ACSS2: variants seen among roughly 807,000 people sequenced by gnomAD.
ACSS2 encodes the protein acetyl-coenzyme A synthetase, cytoplasmic.
In ACSS2, 58 loss-of-function variants were observed where a neutral mutation model predicts 90.6. The observed-to-expected ratio is 0.64, with a 90% CI of 0.52 to 0.80. ACSS2 has a LOEUF of 0.80. ACSS2 is among the 30% of genes least tolerant of loss of function. The pLI, the probability that ACSS2 is intolerant of heterozygous loss-of-function variation, is 0.00. For synonymous variants in ACSS2, 300 were observed against 330.9 expected (o/e 0.91, Z 1.01); for missense variants, 759 against 912.0 (o/e 0.83, Z 2.16).
At chr20:34,911,775 TG>T (rs2080965531) in intron 2 of ACSS2, among the ~76,000 whole-genome samples, 3 of 152,234 alleles carry the variant, frequency 2.0e-5, no homozygotes, top group Non-Finnish European at 4.4e-5. Context: ...ATAAGCTCCA[TG>T]ATATCAGGTA....
intron 16 of ACSS2, 77 bp from the exon 17 acceptor site, chr20:34,926,800 A>C (rs1470538467): frequency 6.1e-6 from 9 of 1,486,658 alleles, no homozygotes; most frequent in Non-Finnish European, 8.4e-6. Flanking sequence ...GGTGGGGAAC[A>C]AAGCCATCTC....
intron 1 of ACSS2, 102 bp from the exon 2 acceptor site, chr20:34,882,692 C>A: frequency 9.1e-7 from 1 of 1,097,324 alleles, no homozygotes; most frequent in Non-Finnish European, 1.3e-6. Flanking sequence ...GGTCCTAGGG[C>A]AAGGAAGTTA....
chr20:34,876,382 C>T (rs377162314), upstream of ACSS2: 24 of 349,272 alleles, frequency 6.9e-5, no homozygotes, highest in Admixed American at 4.8e-4. Flanking sequence ...TTTCACTCGA[C>T]GGCGTCACTC....
intron 7 of ACSS2, among the ~76,000 whole-genome samples, chr20:34,916,121 T>G (rs1192575681): frequency 6.6e-6 from 1 of 152,214 alleles, no homozygotes; most frequent in East Asian, 1.9e-4. Context: ...CTTTTCTCTA[T>G]TCTCATTAGC....
intron 2 of ACSS2, among the ~76,000 whole-genome samples, chr20:34,893,849 G>T (rs1319626791): frequency 6.6e-6 from 1 of 151,934 alleles, no homozygotes; most frequent in East Asian, 1.9e-4. Flanking sequence ...TACTATCATG[G>T]TTTATTATCA....
intron 7 of ACSS2, among the ~76,000 whole-genome samples, chr20:34,916,918 T>C (rs528176747): frequency 6.6e-6 from 1 of 152,288 alleles, no homozygotes; most frequent in East Asian, 1.9e-4. Context: ...TCAATTCTTA[T>C]TTTAGAAAAT....
Position 34,925,707 on chromosome 20 carries a change from G to A in ACSS2, c.1667G>A (p.Arg556Gln), listed in dbSNP as rs761846257. 33 of 1,613,432 alleles carry A rather than the reference G, an allele frequency of 2.0e-5. No individual in the cohort carries two copies. The highest frequency in any genetic ancestry group is 2.7e-5 in the Non-Finnish European group (32 of 1,179,778). The change falls in exon 15 of 18, where the codon CGG becomes CAG. Residue 556 changes from arginine (R) to glutamine (Q), a missense_variant. Transcript: ENST00000360596. ...TTGCATTTCTTCCCAGGCTGCCAGC[G>A]GGACCAGGATGGCTATTACTGGATC... ...GYYVTGDGCQ[R>Q]DQDGYYWITG...
intron 2 of ACSS2, among the ~76,000 whole-genome samples, chr20:34,886,834 T>C (rs1235544003): frequency 2.0e-5 from 3 of 152,236 alleles, no homozygotes; most frequent in Non-Finnish European, 4.4e-5. Flanking sequence ...TTCGCTCCAA[T>C]TGATATACTT....
intron 2 of ACSS2, among the ~76,000 whole-genome samples, chr20:34,896,160 C>T (rs2080454079): frequency 6.6e-6 from 1 of 152,190 alleles, no homozygotes; most frequent in African/African-American, 2.4e-5. Context: ...AGAAGAGGTA[C>T]ACAATCCATC....
At chr20:34,902,077 A>G (rs1487679273) in intron 2 of ACSS2, among the ~76,000 whole-genome samples, 3 of 146,522 alleles carry the variant, frequency 2.0e-5, no homozygotes, top group Non-Finnish European at 3.0e-5. Flanking sequence ...TTTTCCATTT[A>G]TAGTTATACT....
chr20:34,925,564 G>T, intron 14 of ACSS2, 134 bp from the exon 15 acceptor site: 1 of 883,584 alleles, frequency 1.1e-6, no homozygotes. Flanking sequence ...TTGGAGGCTG[G>T]CTACTACAGT....
At chr20:34,898,399 C>T (rs888207877) in intron 2 of ACSS2, among the ~76,000 whole-genome samples, 4 of 152,164 alleles carry the variant, frequency 2.6e-5, no homozygotes, top group Admixed American at 1.3e-4. Flanking sequence ...TAGCTAGATA[C>T]AGAGTGCCAA....
At chr20:34,885,186 C>A (rs978243582) in intron 2 of ACSS2, among the ~76,000 whole-genome samples, 15 of 151,456 alleles carry the variant, frequency 9.9e-5, no homozygotes, top group Non-Finnish European at 2.2e-4. Flanking sequence ...GGCAACAGAG[C>A]AAGACCCTGT....
intron 2 of ACSS2, among the ~76,000 whole-genome samples, chr20:34,895,240 TA>T (rs1318452676): frequency 6.6e-6 from 1 of 152,166 alleles, no homozygotes. Context: ...CACACATATA[TA>T]TATATGCACA....
intron 1 of ACSS2, among the ~76,000 whole-genome samples, chr20:34,879,029 C>T (rs914498098): frequency 1.3e-5 from 2 of 151,350 alleles, no homozygotes; most frequent in East Asian, 3.9e-4. Context: ...CTCAGCCTCC[C>T]GAGTAGCTGG....
At chr20:34,912,900 A>G (rs1194833397) in intron 2 of ACSS2, among the ~76,000 whole-genome samples, 196 bp from the exon 3 acceptor site, 1 of 152,244 alleles carries the variant, frequency 6.6e-6, no homozygotes, top group Non-Finnish European at 1.5e-5. Flanking sequence ...ATGTGTATAA[A>G]ATATCTTGAA....
intron 2 of ACSS2, among the ~76,000 whole-genome samples, chr20:34,890,140 G>T (rs2080297785): frequency 6.6e-6 from 1 of 152,138 alleles, no homozygotes; most frequent in Non-Finnish European, 1.5e-5. Flanking sequence ...TTTTCATTAT[G>T]GAAAGAAACC....
In ACSS2 at chr20:34,895,415, T is replaced by C. The variant is rs562751646; in HGVS notation, c.374+12426T>C. 8.5e-5 allele frequency among the ~76,000 whole-genome samples: 13 copies of C among 152,336 alleles called. No individual in the cohort carries two copies. In the South Asian group the frequency reaches 2.7e-3, roughly 32 times the overall value. Reference sequence around the variant, plus strand: ...AAATTGCCTAACTTCTTTCTTAAGATAAATATGTTAATATATGACTCTGTG... The same window carrying C: ...AAATTGCCTAACTTCTTTCTTAAGACAAATATGTTAATATATGACTCTGTG... On this transcript the variant is annotated intron_variant, in intron 2 of 17. Coordinates refer to ENST00000360596, the MANE Select transcript of ACSS2 (RefSeq NM_018677.4).
intron 2 of ACSS2, among the ~76,000 whole-genome samples, chr20:34,902,711 TTTAA>T (rs376201305): frequency 0.021 from 3,189 of 151,802 alleles, 29 homozygotes; most frequent in Middle Eastern, 0.041. Flanking sequence ...TTTATTGTTG[TTTAA>T]TTAATTAATT....
Sources: allele counts gnomAD v4.1 joint callset (sites outside exome capture counted in the v4.1 genomes callset), GRCh38; gene constraint gnomAD v4.1.1; transcripts MANE v1.5; gene names NCBI Gene and HGNC (gene_info 2026-07-23, HGNC 2026-07-21).